GNAT3: variants seen among roughly 807,000 people sequenced by gnomAD.
The protein encoded by GNAT3 is guanine nucleotide-binding protein G(t) subunit alpha-3.
In GNAT3, 31 loss-of-function variants were observed where a neutral mutation model predicts 37.7. The ratio of observed to expected loss-of-function variants is 0.82; its 90% CI spans 0.62 to 1.11. The LOEUF is 1.11. Among genes scored for constraint, GNAT3 ranks in the 50% most tolerant of loss-of-function variants. The pLI is 0.00. For synonymous variants in GNAT3, 138 were observed against 139.8 expected (o/e 0.99, Z 0.09); for missense variants, 437 against 412.5 (o/e 1.06, Z -0.51).
chr7:80,458,973 A>G (rs1790001711), intron 7 of GNAT3, 112 bp from the exon 8 acceptor site: 2 of 706,126 alleles, frequency 2.8e-6, no homozygotes, highest in Non-Finnish European at 4.5e-6. Context: ...AAAGTATTGC[A>G]AAATCATAAA....
At chr7:80,487,785 A>G (rs1408064844) in intron 3 of GNAT3, 1 of 152,112 alleles carries the variant, frequency 6.6e-6, no homozygotes, top group African/African-American at 2.4e-5. Flanking sequence ...GAAGTGGGTG[A>G]GTTCTTCTTG....
chr7:80,496,754 T>G lies in GNAT3; in HGVS notation c.119-2107A>C, dbSNP rs537701594. On this transcript the variant is annotated intron_variant, in intron 1 of 7. Coordinates refer to ENST00000398291, the MANE Select transcript of GNAT3 (RefSeq NM_001102386.3). Reference sequence around the variant, plus strand: ...GTCCTTTGTACTGCGCATCATTTTTTCCTCACTGAAATGTTTCTGCATGAT... The same window carrying G: ...GTCCTTTGTACTGCGCATCATTTTTGCCTCACTGAAATGTTTCTGCATGAT... Among the ~76,000 whole-genome samples, 3 of 152,316 alleles carry G rather than the reference T, an allele frequency of 2.0e-5. No homozygotes were observed. The South Asian group carries it at 6.2e-4, about 32-fold the overall frequency.
chr7:80,507,945 T>G (rs966442117), intron 1 of GNAT3, among the ~76,000 whole-genome samples: 1 of 151,924 alleles, frequency 6.6e-6, no homozygotes, highest in Non-Finnish European at 1.5e-5. Flanking sequence ...TTCATGTTTC[T>G]AAAAGCCAGA....
intron 7 of GNAT3, among the ~76,000 whole-genome samples, chr7:80,461,006 A>G (rs1790039856): frequency 8.3e-6 from 1 of 121,038 alleles, no homozygotes; most frequent in Admixed American, 8.4e-5. Flanking sequence ...TTTAATTATG[A>G]GTTTATATTT....
At chr7:80,504,090 C>G (rs142820116) in intron 1 of GNAT3, among the ~76,000 whole-genome samples, 1 of 152,096 alleles carries the variant, frequency 6.6e-6, no homozygotes, top group East Asian at 1.9e-4. Context: ...CCGAGACAGG[C>G]AGATCGCTTG....
In GNAT3 at chr7:80,461,985, T is replaced by C. The variant is rs369175004; in HGVS notation, c.874+174A>G. ...TAGGGTTTTGCTTTAATGTACACAA[T>C]GTAGAGAGGGTTCTTCTTTATTTGT... On this transcript the variant is annotated intron_variant, in intron 7 of 7. Transcript: ENST00000398291. 2.5e-4 allele frequency among the ~76,000 whole-genome samples: 38 copies of C among 152,308 alleles called. 3 individuals are homozygous for C. In the South Asian group the frequency reaches 7.9e-3, roughly 32 times the overall value.
chr7:80,505,951 C>G (rs1460519772), intron 1 of GNAT3, among the ~76,000 whole-genome samples: 1 of 152,126 alleles, frequency 6.6e-6, no homozygotes, highest in Admixed American at 6.5e-5. Context: ...TTTGCACGAA[C>G]CTAATAAGTA....
chr7:80,511,016 T>C (rs967513475), intron 1 of GNAT3, among the ~76,000 whole-genome samples: 1 of 152,136 alleles, frequency 6.6e-6, no homozygotes, highest in Non-Finnish European at 1.5e-5. Flanking sequence ...TAGGTCATCA[T>C]TTTTATTTCA....
intron 3 of GNAT3, among the ~76,000 whole-genome samples, chr7:80,481,065 T>C (rs1790384510): frequency 6.6e-6 from 1 of 152,174 alleles, no homozygotes; most frequent in African/African-American, 2.4e-5. Flanking sequence ...ACTACAGTTT[T>C]TTTCTACCAT....
At chr7:80,474,987 T>A (rs1385293831) in intron 4 of GNAT3, among the ~76,000 whole-genome samples, 1 of 152,100 alleles carries the variant, frequency 6.6e-6, no homozygotes, top group Non-Finnish European at 1.5e-5. Context: ...CATTGCAATA[T>A]CTAGTTAGCG....
chr7:80,511,957 T>C lies in GNAT3; in HGVS notation c.-31A>G. The C allele has an allele frequency of 6.7e-7, 1 of 1,496,654 alleles. No homozygotes were observed. Among genetic ancestry groups the C allele is most frequent in the Non-Finnish European group, 9.2e-7 (1 of 1,081,252 alleles). 92.7% of individuals were successfully genotyped at this position (1,496,654 alleles called of 1,614,324 possible). On this transcript the variant is annotated 5_prime_UTR_variant, in exon 1 of 8. Transcript: ENST00000398291. ...GGTGGTAGATACTTGTCAGTTTATA[T>C]GTTCAGATTTTTCAAATGTTGAGCA...
chr7:80,459,176 G>A (rs769734912), intron 7 of GNAT3, among the ~76,000 whole-genome samples: 1 of 152,114 alleles, frequency 6.6e-6, no homozygotes, highest in Non-Finnish European at 1.5e-5. Flanking sequence ...ATGGGTATGG[G>A]TGTTTTTATA....
rs1031377076 is a variant in GNAT3 at position 80,466,216 on chromosome 7, G to A, written c.591-3585C>T. ...CCATTTCCACAGCAGTGATGGCAGGGCTGTAGGAATCGAATTCTAGGATGC... is the reference window on the plus strand; with the variant it reads ...CCATTTCCACAGCAGTGATGGCAGGACTGTAGGAATCGAATTCTAGGATGC... On this transcript the variant is annotated intron_variant, in intron 5 of 7. Transcript: ENST00000398291. Among the ~76,000 whole-genome samples the A allele has an allele frequency of 2.0e-5, 3 of 152,110 alleles. No individual in the cohort carries two copies. The East Asian group carries it at 5.8e-4, about 29-fold the overall frequency.
Position 80,478,797 on chromosome 7 carries a change from T to A in GNAT3, c.461+44A>T. The A allele has an allele frequency of 4.5e-6, 7 of 1,572,902 alleles. 1 individual carries two copies. Among genetic ancestry groups the A allele is most frequent in the Non-Finnish European group, 6.1e-6 (7 of 1,149,418 alleles). On this transcript the variant is annotated intron_variant, in intron 4 of 7. Transcript: ENST00000398291. Reference sequence around the variant, plus strand: ...GTATGCAGAATTATAATTCTTAATTTTAAATGTTTTACCTCCAATTCCCCT... The same window carrying A: ...GTATGCAGAATTATAATTCTTAATTATAAATGTTTTACCTCCAATTCCCCT...
rs761848440 is a variant in GNAT3, at chr7:80,474,321, C to T, written c.520G>A (p.Val174Ile). 8.3e-6 allele frequency: 13 copies of T among 1,572,634 alleles called. No individual in the cohort carries two copies. Among genetic ancestry groups the T allele is most frequent in the Admixed American group, 1.9e-5 (1 of 53,938 alleles). Residue 174 changes from valine (V) to isoleucine (I), a missense_variant, in exon 5 of 8, where the codon GTT (valine) becomes ATT (isoleucine). By Grantham distance (29) the Val-to-Ile change is conservative (BLOSUM62 3). Coordinates refer to ENST00000398291, the MANE Select transcript of GNAT3 (RefSeq NM_001102386.3). ...ASGYVPNEQD[V>I]LHSRVKTTGI... ...GTCGTTTTCACTCGAGAATGGAGAACATCTTGTTCATTTGGCACATACCCA... is the reference window on the plus strand; with the variant it reads ...GTCGTTTTCACTCGAGAATGGAGAATATCTTGTTCATTTGGCACATACCCA...
rs1028986300 is a variant in GNAT3, at chr7:80,504,300, G to C, written c.118+7509C>G. ...CACTGCACTCCAGCCTGGGTGAAAA[G>C]ACCCTGTCTTTAAAAAAAAAGAGAG... On this transcript the variant is annotated intron_variant, in intron 1 of 7. Coordinates refer to ENST00000398291, the MANE Select transcript of GNAT3 (RefSeq NM_001102386.3). Among the ~76,000 whole-genome samples the C allele has an allele frequency of 1.3e-4, 19 of 151,896 alleles. No homozygotes were observed. In the East Asian group the frequency reaches 1.9e-3, roughly 15 times the overall value.
intron 7 of GNAT3, 58 bp from the exon 8 acceptor site, chr7:80,458,919 C>T: frequency 1.7e-6 from 2 of 1,155,700 alleles, no homozygotes; most frequent in Non-Finnish European, 2.4e-6. Flanking sequence ...AAAGAATAGG[C>T]TATAAATAAT....
intron 3 of GNAT3, 125 bp downstream of exon 3, chr7:80,488,410 C>T (rs1208988672): frequency 1.4e-6 from 1 of 725,930 alleles, no homozygotes; most frequent in Non-Finnish European, 2.1e-6. Flanking sequence ...ATTAATGTTT[C>T]AAAATTCATG....
Position 80,458,804 on chromosome 7 carries a change from T to G in GNAT3, c.932A>C (p.Asn311Thr). ...AATTTCCTTATCTTCTTTTTTTAAA[T>G]TCAGGTCTAGAAACTGGTTCTTGAT... ...NYIKNQFLDL[N>T]LKKEDKEIYS... Residue 311 changes from asparagine (N) to threonine (T), a missense_variant, in exon 8 of 8, where the codon AAT becomes ACT. Physicochemically the swap from Asn to Thr is moderately conservative, Grantham distance 65 (BLOSUM62 0). Coordinates refer to ENST00000398291, the MANE Select transcript of GNAT3 (RefSeq NM_001102386.3). The G allele has an allele frequency of 1.3e-6, 2 of 1,597,004 alleles. No homozygotes were observed. Among genetic ancestry groups the G allele is most frequent in the Non-Finnish European group, 1.7e-6 (2 of 1,171,850 alleles).
Sources: allele counts gnomAD v4.1 joint callset (sites outside exome capture counted in the v4.1 genomes callset), GRCh38; gene constraint gnomAD v4.1.1; transcripts MANE v1.5; gene names NCBI Gene and HGNC (gene_info 2026-07-23, HGNC 2026-07-21).